EHBP1L1: variants seen among roughly 807,000 people sequenced by gnomAD.
The protein encoded by EHBP1L1 is EH domain binding protein 1 like 1, also known as EH domain-binding protein 1-like protein 1.
In EHBP1L1, 122 loss-of-function variants were observed where a neutral mutation model predicts 151.1. The observed-to-expected ratio is 0.81, with a 90% confidence interval of 0.70 to 0.94. EHBP1L1 has a LOEUF of 0.94. Ranked by LOEUF, EHBP1L1 falls within the 40% of genes least tolerant of loss-of-function variation. The pLI, the probability that EHBP1L1 is intolerant of heterozygous loss-of-function variation, is 0.00. For missense variants in EHBP1L1, 1,941 were observed against 1,959.8 expected, an observed-to-expected ratio of 0.99 and a Z score of 0.18; for synonymous variants, 878 against 810.1, an observed-to-expected ratio of 1.08 and a Z score of -1.42.
chr11:65,584,329 A>C lies in EHBP1L1; in HGVS notation c.3182A>C (p.Asn1061Thr). 1 of 1,610,862 alleles carries C rather than the reference A, an allele frequency of 6.2e-7. No individual in the cohort carries two copies. The highest frequency in any genetic ancestry group is 8.5e-7 in the Non-Finnish European group (1 of 1,178,218). The change falls in exon 10 of 19, where the codon AAC becomes ACC. Residue 1061 changes from asparagine (N) to threonine (T), a missense_variant. Asn to Thr is a moderately conservative substitution (Grantham distance 65, BLOSUM62 0). Coordinates refer to ENST00000309295, the MANE Select transcript of EHBP1L1 (RefSeq NM_001099409.3). ...GGCTACCGTGGCGTCCGCATCACCA[A>C]CTTCACCACATCCTGGCGCAACGGC... is the stretch of plus-strand genomic sequence containing the variant. ...TTGYRGVRITNFTTSWRNGLA... is the reference protein window; with the variant it reads ...TTGYRGVRITTFTTSWRNGLA...
In EHBP1L1 at chr11:65,583,895, G is replaced by GC. The variant is rs925339872; in HGVS notation, c.3093+135dup. The stretch of plus-strand genomic sequence containing the variant: ...GGGGTGGGGGGCTCAGCTTGAAGGA[G>GC]CCCCCTCATCCCCTCCTCTCTCAGG... On this transcript the variant is annotated intron_variant, in intron 9 of 18. Transcript: ENST00000309295. The GC allele has an allele frequency of 6.8e-5, 96 of 1,421,186 alleles. No individual in the cohort carries two copies. In the African/African-American group the frequency reaches 1.3e-3, roughly 19 times the overall value. 88.0% of individuals were successfully genotyped at this position (1,421,186 alleles called of 1,614,324 possible).
At position 65,592,027 on chromosome 11, in the gene EHBP1L1, A is replaced by AGCTGGTGTC; in HGVS notation, c.4417_4425dup (p.Ser1473_Val1475dup). The AGCTGGTGTC allele has an allele frequency of 6.2e-7, 1 of 1,613,308 alleles. No individual in the cohort carries two copies. The highest frequency in any genetic ancestry group is 2.2e-5 in the East Asian group (1 of 44,846). On this transcript the variant is annotated inframe_insertion, in exon 18 of 19. Transcript: ENST00000309295. ...CACCGAGAGCAGCTCCTACTGGAGG[A>AGCTGGTGTC]GCTGGTGTCGCTGGTGAACCAGCGC... is the stretch of plus-strand genomic sequence containing the variant.
At chr11:65,580,845 G>C in intron 6 of EHBP1L1, 1 of 1,268,250 alleles carries the variant, frequency 7.9e-7, no homozygotes, top group Non-Finnish European at 1.0e-6. Context: ...CCTCCCTGCT[G>C]CTTGTCCAGG....
chr11:65,592,154 C>G (rs4261292), intron 18 of EHBP1L1, 49 bp from the exon 19 acceptor site: 1,606,787 of 1,608,432 alleles, frequency 1, 802,585 homozygotes, highest in East Asian at 1. Context: ...CAGAGGGCTG[C>G]GTGTGGACCC....
chr11:65,592,529 G>T lies in EHBP1L1; in HGVS notation c.*227G>T. On this transcript the variant is annotated 3_prime_UTR_variant, in exon 19 of 19. Transcript: ENST00000309295. ...GTGTGCGCGCTCGCGGCGGGTGCGG[G>T]GTCCTCCCCGACGGCACGGCCGGGC... The T allele has an allele frequency of 4.7e-6, 1 of 210,648 alleles. No individual in the cohort carries two copies. The highest frequency in any genetic ancestry group is 9.1e-6 in the Non-Finnish European group (1 of 109,410). The allele number at this position is 210,648 out of a possible 1,614,324, so 13.0% of individuals were successfully genotyped here.
chr11:65,586,243 G>A (rs952419641), intron 12 of EHBP1L1, among the ~76,000 whole-genome samples: 1 of 152,236 alleles, frequency 6.6e-6, no homozygotes, highest in Non-Finnish European at 1.5e-5. Context: ...ATCTCCTAGA[G>A]TGTCGTGTCA....
chr11:65,578,002 C>T (rs1857410848), intron 1 of EHBP1L1, among the ~76,000 whole-genome samples: 1 of 152,192 alleles, frequency 6.6e-6, no homozygotes, highest in African/African-American at 2.4e-5. Flanking sequence ...AAGCATCACC[C>T]CTCCTGGGCA....
chr11:65,584,258 C>T lies in EHBP1L1; in HGVS notation c.3111C>T (p.Val1037=). Residue 1037 remains valine (V), a synonymous_variant, in exon 10 of 19, where the codon GTC becomes GTT. Transcript: ENST00000309295. ...LPGSQAPPAL[V]SSSQSLLEWC... is the part of the protein sequence containing the mutation. ...GTCCTCAGGCACCACCTGCCCTGGT[C>T]AGCTCCAGCCAGTCCCTGCTGGAGT... 3 of 1,609,926 alleles carry T rather than the reference C, an allele frequency of 1.9e-6. No homozygotes were observed. Among genetic ancestry groups the T allele is most frequent in the South Asian group, 1.1e-5 (1 of 90,746 alleles).
rs767687279 is a variant in EHBP1L1, at chr11:65,592,048, A to G, written c.4430A>G (p.Gln1477Arg). 3 of 1,613,312 alleles carry G rather than the reference A, an allele frequency of 1.9e-6. No individual in the cohort carries two copies. The highest frequency in any genetic ancestry group is 2.5e-6 in the Non-Finnish European group (3 of 1,179,652). ...GAGGAGCTGGTGTCGCTGGTGAACC[A>G]GCGCGATGAGCTAGTCCGGGACCTG... ...LLEELVSLVN[Q>R]RDELVRDLDH... Residue 1477 changes from glutamine (Q) to arginine (R), a missense_variant, in exon 18 of 19, where the codon CAG becomes CGG. Transcript: ENST00000309295.
intron 2 of EHBP1L1, 69 bp from the exon 3 acceptor site, chr11:65,579,272 T>C (rs1590813152): frequency 2.0e-6 from 3 of 1,478,882 alleles, no homozygotes; most frequent in Middle Eastern, 1.7e-4. Flanking sequence ...GGTGTCAAGG[T>C]TGGTGATAGG....
In EHBP1L1 at chr11:65,582,375, G is replaced by T. The variant is rs1220624836; in HGVS notation, c.1703G>T (p.Gly568Val). The T allele has an allele frequency of 3.8e-6, 6 of 1,595,114 alleles. No homozygotes were observed. Among genetic ancestry groups the T allele is most frequent in the Non-Finnish European group, 4.3e-6 (5 of 1,171,696 alleles). ...GGWEAEAGGS[G>V]DLETETEVVG... is the part of the protein sequence containing the mutation. ...TGGGAGGCAGAAGCTGGGGGTTCAG[G>T]GGACCTGGAAACAGAGACTGAGGTG... is the stretch of plus-strand genomic sequence containing the variant. Residue 568 changes from glycine to valine, a missense_variant, in exon 9 of 19, where the codon GGG becomes GTG. Transcript: ENST00000309295.
chr11:65,577,759 GA>G (rs1484207958), intron 1 of EHBP1L1, among the ~76,000 whole-genome samples: 1 of 152,200 alleles, frequency 6.6e-6, no homozygotes, highest in Non-Finnish European at 1.5e-5. Flanking sequence ...TGGGCTTGGG[GA>G]AGGGAACTTG....
rs1357643381 is a variant in EHBP1L1, at chr11:65,585,161, G to T, written c.3503G>T (p.Ser1168Ile). Residue 1168 changes from serine (S) to isoleucine (I), a missense_variant, in exon 12 of 19, where the codon AGC (serine) becomes ATC (isoleucine). Transcript: ENST00000309295. This position sits in a 1 kb window ranked among gnomAD's most constrained non-coding sequence, Gnocchi z 4.0. ...GTYRVGSAQPSPPDDLDAGGL... is the reference protein window; with the variant it reads ...GTYRVGSAQPIPPDDLDAGGL... ...TACCGCGTGGGCAGCGCCCAGCCCA[G>T]CCCGCCCGACGACCTGGACGCCGGA... is the stretch of plus-strand genomic sequence containing the variant. The T allele has an allele frequency of 7.3e-7, 1 of 1,365,730 alleles. No individual in the cohort carries two copies. The highest frequency in any genetic ancestry group is 1.6e-5 in the African/African-American group (1 of 64,464). 84.6% of individuals were successfully genotyped at this position (1,365,730 alleles called of 1,614,324 possible).
Position 65,584,241 on chromosome 11 carries a change from G to C in EHBP1L1, c.3094G>C (p.Ala1032Pro). 7.5e-6 allele frequency: 12 copies of C among 1,607,028 alleles called. No homozygotes were observed. The highest frequency in any genetic ancestry group is 1.0e-5 in the Non-Finnish European group (12 of 1,177,800). The change falls in exon 10 of 19, where the codon GCA becomes CCA. Residue 1032 changes from alanine to proline, a missense_variant and splice_region_variant. Ala to Pro is a conservative substitution (Grantham distance 27). Coordinates refer to ENST00000309295, the MANE Select transcript of EHBP1L1 (RefSeq NM_001099409.3). Reference sequence around the variant, plus strand: ...CCTAAGCCCACCCCTGTGTCCTCAGGCACCACCTGCCCTGGTCAGCTCCAG... The same window carrying C: ...CCTAAGCCCACCCCTGTGTCCTCAGCCACCACCTGCCCTGGTCAGCTCCAG... ...EEDRRLPGSQAPPALVSSSQS... is the reference protein window; with the variant it reads ...EEDRRLPGSQPPPALVSSSQS...
Position 65,576,196 on chromosome 11 carries a change from G to A in EHBP1L1, c.-107G>A. ...TCGGAGCCTGGGACACCTCCGCACG[G>A]ACGGGGCGGGCGGCGCGGACAGGCC... On this transcript the variant is annotated 5_prime_UTR_variant, in exon 1 of 19. Coordinates refer to ENST00000309295, the MANE Select transcript of EHBP1L1 (RefSeq NM_001099409.3). 2 of 998,740 alleles carry A rather than the reference G, an allele frequency of 2.0e-6. No individual in the cohort carries two copies. The highest frequency in any genetic ancestry group is 1.7e-5 in the African/African-American group (1 of 57,898). The allele number at this position is 998,740 out of a possible 1,614,324, so 61.9% of individuals were successfully genotyped here.
At position 65,583,749 on chromosome 11, in the gene EHBP1L1, G is replaced by A; in HGVS notation, c.3077G>A (p.Arg1026Lys). Reference sequence around the variant, plus strand: ...CCAGAGAAGGCTGAAGAGGACAGGAGGCTGCCGGGCAGCCAGGTAGGGATG... The same window carrying A: ...CCAGAGAAGGCTGAAGAGGACAGGAAGCTGCCGGGCAGCCAGGTAGGGATG... ...SSPEKAEEDR[R>K]LPGSQAPPAL... The change falls in exon 9 of 19, where the codon AGG (arginine) becomes AAG (lysine). Residue 1026 changes from arginine (R) to lysine (K), a missense_variant. By Grantham distance (26) the Arg-to-Lys change is conservative. Transcript: ENST00000309295. 6.7e-7 allele frequency: 1 copy of A among 1,497,770 alleles called. No homozygotes were observed. The highest frequency in any genetic ancestry group is 8.9e-7 in the Non-Finnish European group (1 of 1,126,258). The allele number at this position is 1,497,770 out of a possible 1,614,324, so 92.8% of individuals were successfully genotyped here.
At position 65,583,625 on chromosome 11, in the gene EHBP1L1, G is replaced by A. The variant is rs749189536; in HGVS notation, c.2953G>A (p.Glu985Lys). Residue 985 changes from glutamate to lysine, a missense_variant, in exon 9 of 19, where the codon GAG becomes AAG. Transcript: ENST00000309295. ...QEAEAGVLGN[E>K]KGKEAEGSLT... is the part of the protein sequence containing the mutation. ...AGCGGAGGCTGGGGTCTTGGGAAAT[G>A]AGAAGGGGAAAGAAGCTGAGGGAAG... 12 of 1,606,632 alleles carry A rather than the reference G, an allele frequency of 7.5e-6. No individual in the cohort carries two copies. Among genetic ancestry groups the A allele is most frequent in the Middle Eastern group, 1.7e-4 (1 of 6,056 alleles).
At position 65,592,351 on chromosome 11, in the gene EHBP1L1, C is replaced by A; in HGVS notation, c.*49C>A. Reference sequence around the variant, plus strand: ...AACTTCTCGCGTCCCCGGCGTCCGCCGCCGCCCCGGGCCTGCGCTGCGGAC... The same window carrying A: ...AACTTCTCGCGTCCCCGGCGTCCGCAGCCGCCCCGGGCCTGCGCTGCGGAC... On this transcript the variant is annotated 3_prime_UTR_variant, in exon 19 of 19. Transcript: ENST00000309295. The A allele has an allele frequency of 7.6e-7, 1 of 1,311,916 alleles. No homozygotes were observed. The highest frequency in any genetic ancestry group is 1.7e-5 in the South Asian group (1 of 57,856). The allele number at this position is 1,311,916 out of a possible 1,614,324, so 81.3% of individuals were successfully genotyped here.
At chr11:65,592,117 G>GGC in intron 18 of EHBP1L1, 27 bp downstream of exon 18, 1 of 1,611,484 alleles carries the variant, frequency 6.2e-7, no homozygotes, top group East Asian at 2.2e-5. Context: ...GGCGCTGGGA[G>GGC]TTGGGAGGGT....
Sources: gnomAD v4.1 joint callset for allele counts (sites outside exome capture counted in the v4.1 genomes callset) on GRCh38, gnomAD v4.1.1 for gene constraint, Gnocchi (gnomAD v3.1) non-coding constraint, MANE v1.5 for transcripts, NCBI Gene and HGNC (gene_info 2026-07-23, HGNC 2026-07-21) for gene names.